Variants in RERE observed in about 807,000 individuals in gnomAD.
RERE encodes the protein arginine-glutamic acid dipeptide repeats.
A neutral mutation model predicts 146.1 loss-of-function variants in RERE; 40 were observed. That is an observed-to-expected ratio of 0.27 (90% confidence interval 0.21 to 0.36). RERE has a LOEUF of 0.36. RERE is among the 10% of genes least tolerant of loss of function. The pLI, the probability that RERE is intolerant of heterozygous loss-of-function variation, is 1.00. For missense variants in RERE, 1,933 were observed against 2,138.7 expected (o/e 0.90, Z 1.90); for synonymous variants, 1,003 against 866.0 (o/e 1.16, Z -2.78).
At chr1:8,519,842 G>A (rs2124336081) in intron 7 of RERE, 1 of 152,172 alleles carries the variant, frequency 6.6e-6, no homozygotes, top group South Asian at 2.1e-4. Context: ...TCACCATAAT[G>A]CAGAACTCAC....
rs563067957 is a variant in RERE at position 8,470,097 on chromosome 1, T to C, written c.1105-4074A>G. Among the ~76,000 whole-genome samples, 3 of 152,186 alleles carry C rather than the reference T, an allele frequency of 2.0e-5. No individual in the cohort carries two copies. The South Asian group carries it at 6.2e-4, about 32-fold the overall frequency. ...GATTCTCTCCTTTTGTTTGACCTGT[T>C]GTCTGGCTGGCCTCTTAAAATATCC... On this transcript the variant is annotated intron_variant, in intron 10 of 22. Coordinates refer to ENST00000400908, the MANE Select transcript of RERE (RefSeq NM_001042681.2).
rs1007768962 is a variant in RERE, at chr1:8,649,833, T to C, written c.325+6140A>G. ...AATGATGAGTGGGGGAAAATAAGAA[T>C]TGCTGTTTTTTTGGAGAAGGGAGAC... On this transcript the variant is annotated intron_variant, in intron 2 of 22. Transcript: ENST00000400908. 1.2e-3 allele frequency among the ~76,000 whole-genome samples: 182 copies of C among 151,942 alleles called. 2 individuals are homozygous for C. Among genetic ancestry groups the C allele is most frequent in the Admixed American group, 0.012 (178 of 15,260 alleles).
intron 12 of RERE, among the ~76,000 whole-genome samples, chr1:8,411,747 G>C (rs1325531311): frequency 6.6e-6 from 1 of 151,990 alleles, no homozygotes; most frequent in Non-Finnish European, 1.5e-5. Context: ...AAAAGGTTTT[G>C]GTTTTTAGAA....
chr1:8,543,242 G>T (rs759280838), intron 6 of RERE, among the ~76,000 whole-genome samples: 2 of 152,156 alleles, frequency 1.3e-5, no homozygotes, highest in Non-Finnish European at 2.9e-5. Context: ...ATAAGCTTCT[G>T]GGAAAGAAAA....
At chr1:8,559,304 A>AAAAAAAAAAAAAC (rs754733974) in intron 4 of RERE, among the ~76,000 whole-genome samples, 1 of 130,186 alleles carries the variant, frequency 7.7e-6, no homozygotes, top group African/African-American at 2.9e-5. Flanking sequence ...AAAAAAAAAA[A>AAAAAAAAAAAAAC]CAGAACAAAA....
intron 12 of RERE, among the ~76,000 whole-genome samples, chr1:8,369,949 C>A (rs192604057): frequency 6.6e-6 from 1 of 152,072 alleles, no homozygotes; most frequent in Non-Finnish European, 1.5e-5. Flanking sequence ...GCCACCAGCC[C>A]GGCTAATTTT....
chr1:8,686,492 G>A (rs1639088881), intron 1 of RERE, among the ~76,000 whole-genome samples: 1 of 152,224 alleles, frequency 6.6e-6, no homozygotes, highest in Admixed American at 6.5e-5. Flanking sequence ...GCTCATGCCT[G>A]TAATCCCAGC....
At chr1:8,759,049 G>A (rs2124527585) in intron 1 of RERE, among the ~76,000 whole-genome samples, 1 of 152,214 alleles carries the variant, frequency 6.6e-6, no homozygotes, top group South Asian at 2.1e-4. Context: ...GCTGAAGCCG[G>A]AGGATTGCTT....
chr1:8,659,723 C>CT (rs1638410974), intron 1 of RERE, among the ~76,000 whole-genome samples: 1 of 152,172 alleles, frequency 6.6e-6, no homozygotes, highest in Non-Finnish European at 1.5e-5. Context: ...CTTCTGATAA[C>CT]TTTAAGAAAA....
At chr1:8,535,361 A>G (rs1216723269) in intron 7 of RERE, among the ~76,000 whole-genome samples, 1 of 152,194 alleles carries the variant, frequency 6.6e-6, no homozygotes, top group African/African-American at 2.4e-5. Flanking sequence ...ATAGGGCCTG[A>G]GAATACCATG....
intron 11 of RERE, among the ~76,000 whole-genome samples, chr1:8,445,386 T>C (rs1644303947): frequency 6.6e-6 from 1 of 152,244 alleles, no homozygotes; most frequent in African/African-American, 2.4e-5. Context: ...TCAAGGACAG[T>C]AAAAAGCACA....
chr1:8,774,966 T>TTTTTTC (rs1641036421), intron 1 of RERE, among the ~76,000 whole-genome samples: 1 of 126,200 alleles, frequency 7.9e-6, no homozygotes, highest in Non-Finnish European at 1.6e-5. Context: ...TTTTTTTTTT[T>TTTTTTC]TTTTTTTTTT....
intron 8 of RERE, among the ~76,000 whole-genome samples, chr1:8,507,734 T>G (rs2124294680): frequency 9.6e-6 from 1 of 104,632 alleles, no homozygotes; most frequent in Non-Finnish European, 1.9e-5. Context: ...AAACATCTTT[T>G]ATCTTTTTTT....
chr1:8,380,883 A>G, intron 12 of RERE: 1 of 456,760 alleles, frequency 2.2e-6, no homozygotes, highest in Non-Finnish European at 4.4e-6. Flanking sequence ...GAAAGTGCTC[A>G]GCGCTGCTGT....
At chr1:8,603,054 C>T (rs926291861) in intron 4 of RERE, among the ~76,000 whole-genome samples, 5 of 152,188 alleles carry the variant, frequency 3.3e-5, no homozygotes, top group African/African-American at 4.8e-5. Flanking sequence ...CAGGCAGAAG[C>T]GAGAGATGAC....
intron 4 of RERE, among the ~76,000 whole-genome samples, chr1:8,581,332 T>C (rs998213738): frequency 2.0e-5 from 3 of 152,242 alleles, no homozygotes; most frequent in African/African-American, 7.2e-5. Context: ...TCTTATCCTA[T>C]AAGAGTGTTG....
intron 12 of RERE, among the ~76,000 whole-genome samples, chr1:8,372,507 C>CGTGTGTGTGTGT (rs6143111): frequency 0.11 from 14,831 of 131,602 alleles, 1,128 homozygotes; most frequent in South Asian, 0.21. Context: ...ACCATCAGGT[C>CGTGTGTGTGTGT]GTGTGTGTGT....
chr1:8,575,548 T>C (rs1226846298), intron 4 of RERE, among the ~76,000 whole-genome samples: 1 of 64,930 alleles, frequency 1.5e-5, no homozygotes, highest in Admixed American at 1.5e-4. Context: ...TATATATATA[T>C]ATATATATAT....
chr1:8,384,343 C>T (rs891811214), intron 12 of RERE, among the ~76,000 whole-genome samples: 18 of 152,130 alleles, frequency 1.2e-4, no homozygotes, highest in Admixed American at 3.3e-4. Context: ...TCTGTCCCCT[C>T]TGTAGGGGTA....
Sources: allele counts gnomAD v4.1 joint callset (sites outside exome capture counted in the v4.1 genomes callset), GRCh38; gene constraint gnomAD v4.1.1; transcripts MANE v1.5; gene names NCBI Gene and HGNC (gene_info 2026-07-23, HGNC 2026-07-21).